Variants in ELL observed in about 807,000 individuals in gnomAD.
The protein encoded by ELL is elongation factor for RNA polymerase II.
ELL carries 18 observed loss-of-function variants against 64.0 expected under a neutral mutation model. The ratio of observed to expected loss-of-function variants is 0.28; its 90% CI spans 0.19 to 0.42. The LOEUF (loss-of-function observed/expected upper bound fraction) is 0.42. Among genes scored for constraint, ELL ranks in the 10% least tolerant of loss-of-function variants. The probability of loss-of-function intolerance (pLI) is 1.00; values close to 1 mark genes in which losing one functional copy is unlikely to be tolerated. For missense variants in ELL, 797 were observed against 870.4 expected (o/e 0.92, Z 1.06); for synonymous variants, 399 against 376.2 (o/e 1.06, Z -0.70).
chr19:18,508,469 T>C (rs754974745), intron 1 of ELL, among the ~76,000 whole-genome samples: 7 of 152,206 alleles, frequency 4.6e-5, no homozygotes, highest in Non-Finnish European at 1.0e-4. Context: ...AGATGTCCCA[T>C]TAGTGAAATA....
chr19:18,494,135 G>A (rs1024975670), intron 1 of ELL, among the ~76,000 whole-genome samples: 4 of 152,144 alleles, frequency 2.6e-5, no homozygotes, highest in African/African-American at 9.7e-5. Flanking sequence ...ACTGAGGTAG[G>A]AGGATCGTTT....
chr19:18,446,520 G>T (rs200814130), intron 9 of ELL, 40 bp from the exon 10 acceptor site: 1 of 1,594,660 alleles, frequency 6.3e-7, no homozygotes, highest in South Asian at 1.1e-5. Flanking sequence ...GAGGCTGGAA[G>T]GACCCAGCCC....
chr19:18,517,902 A>AT (rs1976162456), intron 1 of ELL, among the ~76,000 whole-genome samples: 1 of 150,498 alleles, frequency 6.6e-6, no homozygotes, highest in Admixed American at 6.6e-5. Context: ...AAAAAAAAAA[A>AT]GAAGGAGAAG....
intron 1 of ELL, among the ~76,000 whole-genome samples, chr19:18,493,340 C>G (rs777799078): frequency 6.6e-6 from 1 of 152,218 alleles, no homozygotes; most frequent in African/African-American, 2.4e-5. Flanking sequence ...CTCTGTGCTG[C>G]GGCCCTGAGG....
At chr19:18,486,239 G>A (rs943172975) in intron 1 of ELL, among the ~76,000 whole-genome samples, 1 of 152,160 alleles carries the variant, frequency 6.6e-6, no homozygotes, top group Non-Finnish European at 1.5e-5. Flanking sequence ...TTAGCTCAGG[G>A]CCCCAAGGGC....
chr19:18,487,799 C>G (rs1230603667), intron 1 of ELL, among the ~76,000 whole-genome samples: 3 of 152,240 alleles, frequency 2.0e-5, no homozygotes, highest in Non-Finnish European at 2.9e-5. Context: ...TTCGGAACAA[C>G]GGGATCTTCT....
intron 2 of ELL, among the ~76,000 whole-genome samples, chr19:18,471,546 T>C (rs1325034063): frequency 6.6e-6 from 1 of 152,208 alleles, no homozygotes; most frequent in East Asian, 1.9e-4. Flanking sequence ...CAGGCGTCTG[T>C]AATCTCAGCT....
chr19:18,506,584 G>C (rs1485205895), intron 1 of ELL, among the ~76,000 whole-genome samples: 1 of 152,210 alleles, frequency 6.6e-6, no homozygotes, highest in East Asian at 1.9e-4. Context: ...AATTAGCCAG[G>C]TGTGGTGCCA....
chr19:18,468,144 AG>A (rs1458336302), intron 2 of ELL, among the ~76,000 whole-genome samples: 2 of 147,666 alleles, frequency 1.4e-5, no homozygotes, highest in Admixed American at 1.3e-4. Context: ...ACCCCCACAC[AG>A]CCACACAAAC....
chr19:18,517,514 G>A (rs1320458759), intron 1 of ELL, among the ~76,000 whole-genome samples: 1 of 151,886 alleles, frequency 6.6e-6, no homozygotes, highest in Admixed American at 6.6e-5. Context: ...GCCTCCCAAA[G>A]TGCTGGGATT....
intron 7 of ELL, 57 bp from the exon 8 acceptor site, chr19:18,451,032 G>C (rs1974520639): frequency 8.8e-6 from 13 of 1,474,744 alleles, no homozygotes; most frequent in Non-Finnish European, 1.2e-5. Context: ...AGCAGCAACA[G>C]GCAATCCCCT....
chr19:18,475,470 AAC>A (rs1452083711), intron 1 of ELL, among the ~76,000 whole-genome samples: 3 of 126,758 alleles, frequency 2.4e-5, no homozygotes, highest in African/African-American at 1.3e-4. Flanking sequence ...CAAAGGGTTA[AAC>A]ACACCCAGCA....
At chr19:18,478,023 C>T (rs1975216092) in intron 1 of ELL, among the ~76,000 whole-genome samples, 1 of 152,122 alleles carries the variant, frequency 6.6e-6, no homozygotes, top group Non-Finnish European at 1.5e-5. Context: ...ACAAGCCAAT[C>T]AAGGGCCCAG....
chr19:18,504,294 CCTG>C (rs1393520550), intron 1 of ELL, among the ~76,000 whole-genome samples: 1 of 152,224 alleles, frequency 6.6e-6, no homozygotes, highest in Non-Finnish European at 1.5e-5. Context: ...AGAGGCCACT[CCTG>C]CTCTGTTTTT....
intron 2 of ELL, chr19:18,472,363 CTCA>C (rs1255091253): frequency 6.4e-6 from 1 of 157,026 alleles, no homozygotes; most frequent in East Asian, 1.9e-4. Flanking sequence ...GCATTAGATT[CTCA>C]TAAGGAGCAC....
At chr19:18,472,585 C>T (rs1197825967) in intron 2 of ELL, 4 of 508,582 alleles carry the variant, frequency 7.9e-6, no homozygotes, top group East Asian at 6.4e-5. Context: ...AGGTGCACAT[C>T]GCTGCATGAA....
chr19:18,519,269 C>T (rs1976201220), intron 1 of ELL, among the ~76,000 whole-genome samples: 1 of 152,050 alleles, frequency 6.6e-6, no homozygotes, highest in African/African-American at 2.4e-5. Flanking sequence ...AAAGCCCTCT[C>T]CACAAGTTGC....
At chr19:18,451,752 C>T in intron 6 of ELL, 104 bp from the exon 7 acceptor site, 3 of 862,448 alleles carry the variant, frequency 3.5e-6, no homozygotes, top group Non-Finnish European at 5.0e-6. Context: ...AAGGAAGGGA[C>T]CCCCCTCCTC....
intron 1 of ELL, among the ~76,000 whole-genome samples, chr19:18,516,673 G>A (rs1976138708): frequency 6.6e-6 from 1 of 152,138 alleles, no homozygotes; most frequent in Non-Finnish European, 1.5e-5. Context: ...CCCCCCAGGA[G>A]CCAGCTCTGG....
Sources: gnomAD v4.1 joint callset for allele counts (sites outside exome capture counted in the v4.1 genomes callset) on GRCh38, gnomAD v4.1.1 for gene constraint, MANE v1.5 for transcripts, NCBI Gene and HGNC (gene_info 2026-07-23, HGNC 2026-07-21) for gene names.